Variants in UNC79 observed in about 807,000 individuals in gnomAD.
The protein encoded by UNC79 is protein unc-79 homolog.
A neutral mutation model predicts 283.1 loss-of-function variants in UNC79; 37 were observed. The ratio of observed to expected loss-of-function variants is 0.13; its 90% CI spans 0.10 to 0.17. The LOEUF (loss-of-function observed/expected upper bound fraction) is 0.17. Ranked by LOEUF, UNC79 falls within the 10% of genes least tolerant of loss-of-function variation. The pLI is 1.00. For synonymous variants in UNC79, 1,107 were observed against 1,200.2 expected, an observed-to-expected ratio of 0.92 and a Z score of 1.61; for missense variants, 2,272 against 3,211.1, an observed-to-expected ratio of 0.71 and a Z score of 7.07.
chr14:93,560,285 G>A (rs932441408), intron 14 of UNC79, among the ~76,000 whole-genome samples: 7 of 152,094 alleles, frequency 4.6e-5, no homozygotes, highest in African/African-American at 1.7e-4. Context: ...GTTTTTTTAT[G>A]TTGTCATGTA....
chr14:93,662,731 A>G lies in UNC79; in HGVS notation c.6636+17A>G, dbSNP rs2071731114. ...TTCACTAAGGTAAGCAAGCTTCCAT[A>G]TGTGTGTTCCTGTGAAACTGAAAAC... On this transcript the variant is annotated intron_variant, in intron 40 of 48. Coordinates refer to ENST00000555664, the Ensembl canonical transcript of UNC79. The G allele has an allele frequency of 6.3e-7, 1 of 1,578,766 alleles. No individual in the cohort carries two copies. Among genetic ancestry groups the G allele is most frequent in the African/African-American group, 1.3e-5 (1 of 74,302 alleles).
intron 39 of UNC79, 127 bp from the exon 43 acceptor site, chr14:93,662,477 C>A: frequency 1.6e-6 from 1 of 618,356 alleles, no homozygotes; most frequent in Non-Finnish European, 2.8e-6. Flanking sequence ...CTACAGGAGC[C>A]ACTGGGCAAC....
chr14:93,557,614 C>A (rs1036560757), intron 14 of UNC79, among the ~76,000 whole-genome samples: 3 of 151,892 alleles, frequency 2.0e-5, no homozygotes, highest in African/African-American at 7.3e-5. Flanking sequence ...CTGACATAAC[C>A]TAAACATTTC....
At chr14:93,645,029 G>A (rs919354461) in intron 34 of UNC79, among the ~76,000 whole-genome samples, 5 of 152,204 alleles carry the variant, frequency 3.3e-5, no homozygotes, top group Admixed American at 3.3e-4. Context: ...CAGAATAAAT[G>A]TTGTCAGCTA....
chr14:93,703,536 C>T (rs1368834281), intron 47 of UNC79, among the ~76,000 whole-genome samples: 4 of 152,134 alleles, frequency 2.6e-5, no homozygotes, highest in African/African-American at 9.7e-5. Context: ...AGGGGCTCAC[C>T]CTACTCAAGT....
At chr14:93,686,726 G>A (rs1566924361) in intron 43 of UNC79, 65 bp downstream of exon 46, 3 of 1,583,438 alleles carry the variant, frequency 1.9e-6, no homozygotes, top group African/African-American at 1.3e-5. Context: ...AGAGAATTAA[G>A]CAGACCATAG....
At chr14:93,388,902 A>G (rs941289946) in intron 1 of UNC79, among the ~76,000 whole-genome samples, 7 of 152,200 alleles carry the variant, frequency 4.6e-5, no homozygotes, top group East Asian at 3.8e-4. Context: ...TTGTGTTCCA[A>G]TGTATCCAGG....
intron 7 of UNC79, among the ~76,000 whole-genome samples, chr14:93,502,780 C>T (rs1038446812): frequency 6.6e-6 from 1 of 152,216 alleles, no homozygotes; most frequent in African/African-American, 2.4e-5. Context: ...CTTTCTAAGA[C>T]ACAGACTGTT....
chr14:93,577,009 G>A (rs2063513581), intron 17 of UNC79, among the ~76,000 whole-genome samples: 1 of 118,702 alleles, frequency 8.4e-6, no homozygotes, highest in African/African-American at 2.6e-5. Context: ...ACTTAGCTGG[G>A]CCTGGTGGAG....
upstream of UNC79, among the ~76,000 whole-genome samples, chr14:93,426,702 T>C (rs571022137): frequency 6.6e-6 from 1 of 152,098 alleles, no homozygotes; most frequent in Non-Finnish European, 1.5e-5. Flanking sequence ...AGTTCTAAAA[T>C]TTCCAATGGT....
intron 7 of UNC79, among the ~76,000 whole-genome samples, chr14:93,511,821 T>C (rs558970798): frequency 2.0e-5 from 3 of 152,180 alleles, no homozygotes; most frequent in Non-Finnish European, 1.5e-5. Context: ...AAAGTTGTGT[T>C]CTGTATGTAT....
At chr14:93,642,084 T>C (rs1181935164) in intron 33 of UNC79, among the ~76,000 whole-genome samples, 1 of 152,128 alleles carries the variant, frequency 6.6e-6, no homozygotes, top group Non-Finnish European at 1.5e-5. Flanking sequence ...TGGGTATGTC[T>C]TTATTAGCAG....
intron 20 of UNC79, among the ~76,000 whole-genome samples, chr14:93,583,803 CTTT>C (rs386382193): frequency 5.5e-5 from 7 of 127,162 alleles, no homozygotes; most frequent in Admixed American, 1.6e-4. Flanking sequence ...TGTTGGAGGT[CTTT>C]TTTTTTTTTT....
chr14:93,400,522 T>G (rs1465700013), intron 1 of UNC79, among the ~76,000 whole-genome samples: 1 of 152,164 alleles, frequency 6.6e-6, no homozygotes, highest in East Asian at 1.9e-4. Context: ...CTGAGTGAAT[T>G]AATTAGAGAA....
exon 46 of UNC79, chr14:93,691,753 C>G: frequency 1.2e-6 from 2 of 1,614,032 alleles, no homozygotes; most frequent in Non-Finnish European, 1.7e-6. Context: ...TTTCAGACCT[C>G]CGTGCTGCAC....
In UNC79 at chr14:93,415,610, T is replaced by G. The variant is rs564283720; in HGVS notation, c.-350-52061T>G. 1.2e-4 allele frequency among the ~76,000 whole-genome samples: 19 copies of G among 152,158 alleles called. No individual in the cohort carries two copies. In the East Asian group the frequency reaches 3.7e-3, roughly 29 times the overall value. ...AGAAGGAATGGTAACAGTTCCTCCT[T>G]GTACCTCTGGTAGAATTCGGCTGTG... is the stretch of plus-strand genomic sequence containing the variant. On this transcript the variant is annotated intron_variant, in intron 1 of 49. Coordinates refer to the UNC79 transcript ENST00000256339.
At chr14:93,501,921 T>C (rs2059310892) in intron 7 of UNC79, among the ~76,000 whole-genome samples, 2 of 152,228 alleles carry the variant, frequency 1.3e-5, no homozygotes, top group South Asian at 4.1e-4. Context: ...TAATGATTGT[T>C]AGTAATTCAC....
chr14:93,507,193 A>G (rs1189171163), intron 7 of UNC79, among the ~76,000 whole-genome samples: 2 of 152,218 alleles, frequency 1.3e-5, no homozygotes, highest in Non-Finnish European at 2.9e-5. Context: ...ATATACATAA[A>G]GCTGCTATGA....
chr14:93,670,724 C>T (rs528840152), intron 40 of UNC79, among the ~76,000 whole-genome samples: 1 of 152,318 alleles, frequency 6.6e-6, no homozygotes, highest in South Asian at 2.1e-4. Flanking sequence ...AAGCACTTCT[C>T]TAAAGGTTGA....
Sources: gnomAD v4.1 joint callset for allele counts (sites outside exome capture counted in the v4.1 genomes callset) on GRCh38, gnomAD v4.1.1 for gene constraint, MANE v1.5 for transcripts, NCBI Gene and HGNC (gene_info 2026-07-23, HGNC 2026-07-21) for gene names.